Variants in OTUD7A observed in about 807,000 individuals in gnomAD.
OTUD7A encodes the protein OTU deubiquitinase 7A.
OTUD7A carries 12 observed loss-of-function variants against 65.7 expected under a neutral mutation model. The observed-to-expected ratio is 0.18, with a 90% confidence interval of 0.12 to 0.30. The LOEUF (loss-of-function observed/expected upper bound fraction) is 0.30. Ranked by LOEUF, OTUD7A falls within the 10% of genes least tolerant of loss-of-function variation. The pLI, the probability that OTUD7A is intolerant of heterozygous loss-of-function variation, is 1.00. For synonymous variants in OTUD7A, 641 were observed against 586.3 expected, an observed-to-expected ratio of 1.09 and a Z score of -1.35; for missense variants, 1,148 against 1,304.8, an observed-to-expected ratio of 0.88 and a Z score of 1.85.
At chr15:31,619,703 T>C (rs1001920943) in intron 3 of OTUD7A, among the ~76,000 whole-genome samples, 32 of 152,122 alleles carry the variant, frequency 2.1e-4, no homozygotes, top group Non-Finnish European at 3.5e-4. Flanking sequence ...TACAATCATG[T>C]CATCTGCAAA....
intron 1 of OTUD7A, among the ~76,000 whole-genome samples, chr15:31,852,982 GT>G (rs1897468906): frequency 6.6e-6 from 1 of 152,204 alleles, no homozygotes; most frequent in East Asian, 1.9e-4. Flanking sequence ...GTGGGGAAGA[GT>G]GGGGACAGAC....
rs963725270 is a variant in OTUD7A at position 31,501,615 on chromosome 15, T to C, written c.1171+75A>G. 2.5e-6 allele frequency: 4 copies of C among 1,583,488 alleles called. No individual in the cohort carries two copies. In the Admixed American group the frequency reaches 5.0e-5, roughly 20 times the overall value. On this transcript the variant is annotated intron_variant, in intron 10 of 12. Coordinates refer to ENST00000307050, the MANE Select transcript of OTUD7A (RefSeq NM_001382637.1). ...GGGGTCTCCACAATCCACCTCCCCG[T>C]GCAATGGGGTCCCTTCTGATGGCTC...
At chr15:31,543,390 C>A (rs1051008657) in intron 5 of OTUD7A, among the ~76,000 whole-genome samples, 1 of 151,786 alleles carries the variant, frequency 6.6e-6, no homozygotes, top group Non-Finnish European at 1.5e-5. Flanking sequence ...ATAAACACCA[C>A]ATTGAATGGG....
At chr15:31,677,483 G>A (rs1040422964) in intron 1 of OTUD7A, among the ~76,000 whole-genome samples, 1 of 152,114 alleles carries the variant, frequency 6.6e-6, no homozygotes, top group Non-Finnish European at 1.5e-5. Flanking sequence ...ATGTGTCAAG[G>A]GTGGGATCAG....
chr15:31,631,519 A>T (rs1290304889), intron 3 of OTUD7A, among the ~76,000 whole-genome samples: 1 of 152,152 alleles, frequency 6.6e-6, no homozygotes, highest in Non-Finnish European at 1.5e-5. Flanking sequence ...TCTGCGCTTA[A>T]CATTTTTTCC....
At chr15:31,494,130 C>A (rs903785824) in intron 10 of OTUD7A, among the ~76,000 whole-genome samples, 6 of 152,228 alleles carry the variant, frequency 3.9e-5, no homozygotes, top group African/African-American at 1.4e-4. Context: ...TTGGATTGGT[C>A]ATTGGTCTAT....
At chr15:31,738,025 T>C (rs561762543) in intron 1 of OTUD7A, among the ~76,000 whole-genome samples, 1 of 152,316 alleles carries the variant, frequency 6.6e-6, no homozygotes, top group East Asian at 1.9e-4. Context: ...TTATTAACAT[T>C]TTTTAGCTTC....
Position 31,483,726 on chromosome 15 carries a change from C to A in OTUD7A, c.2370G>T (p.Ala790=). 8.9e-7 allele frequency: 1 copy of A among 1,120,552 alleles called. No individual in the cohort carries two copies. Among genetic ancestry groups the A allele is most frequent in the Non-Finnish European group, 1.1e-6 (1 of 919,214 alleles). The allele number at this position is 1,120,552 out of a possible 1,614,324, so 69.4% of individuals were successfully genotyped here. The part of the protein sequence containing the change: ...HVQASGARDE[A]CAPAVGALRP... ...GCAGCGCCCCCACGGCCGGCGCGCA[C>A]GCCTCGTCCCGCGCGCCCGACGCCT... The change falls in exon 13 of 13, where the codon GCG becomes GCT. Residue 790 remains alanine (A), a synonymous_variant. Transcript: ENST00000307050.
chr15:31,720,613 G>T lies in OTUD7A; in HGVS notation c.-99-63536C>A, dbSNP rs375231536. 3.2e-4 allele frequency among the ~76,000 whole-genome samples: 49 copies of T among 152,150 alleles called. No individual in the cohort carries two copies. The South Asian group carries it at 9.3e-3, about 29-fold the overall frequency. ...GATGGGGTTTCACTGTGTTAGCCAG[G>T]ATGCTCTCAATCTCCTGACCTCCTG... On this transcript the variant is annotated intron_variant, in intron 1 of 12. Coordinates refer to ENST00000307050, the MANE Select transcript of OTUD7A (RefSeq NM_001382637.1).
chr15:31,822,374 C>T (rs1010957084), intron 1 of OTUD7A, among the ~76,000 whole-genome samples: 1 of 152,164 alleles, frequency 6.6e-6, no homozygotes, highest in African/African-American at 2.4e-5. Context: ...TCACGGACCC[C>T]GCACCCTAGC....
chr15:31,837,445 C>T (rs1897083160), intron 1 of OTUD7A, among the ~76,000 whole-genome samples: 1 of 151,100 alleles, frequency 6.6e-6, no homozygotes, highest in African/African-American at 2.4e-5. Flanking sequence ...ACTCAGGAGG[C>T]TGAGGCAGGA....
At chr15:31,708,251 G>T (rs1451213279) in intron 1 of OTUD7A, among the ~76,000 whole-genome samples, 1 of 152,110 alleles carries the variant, frequency 6.6e-6, no homozygotes, top group African/African-American at 2.4e-5. Context: ...AAGATGTGGG[G>T]AAACAGCACT....
chr15:31,623,639 C>T (rs531135504), intron 3 of OTUD7A, among the ~76,000 whole-genome samples: 1 of 152,184 alleles, frequency 6.6e-6, no homozygotes, highest in Non-Finnish European at 1.5e-5. Context: ...GTGGGAGTGA[C>T]CTGATTTTCC....
At chr15:31,515,108 TA>T (rs2041823100) in intron 8 of OTUD7A, among the ~76,000 whole-genome samples, 1 of 152,118 alleles carries the variant, frequency 6.6e-6, no homozygotes, top group Non-Finnish European at 1.5e-5. Context: ...AATATGGAGT[TA>T]AAACCTGCAT....
intron 1 of OTUD7A, among the ~76,000 whole-genome samples, chr15:31,794,616 C>T (rs1289839126): frequency 2.2e-5 from 3 of 138,248 alleles, no homozygotes; most frequent in South Asian, 5.2e-4. Context: ...TTCTAAAGGC[C>T]GGGAATAGAA....
chr15:31,734,741 T>C (rs1375135821), intron 1 of OTUD7A, among the ~76,000 whole-genome samples: 3 of 151,616 alleles, frequency 2.0e-5, no homozygotes, highest in East Asian at 1.9e-4. Flanking sequence ...TTCCACCATA[T>C]ACAAAAATCA....
At chr15:31,749,598 C>T (rs545112890) in intron 1 of OTUD7A, among the ~76,000 whole-genome samples, 6 of 152,262 alleles carry the variant, frequency 3.9e-5, no homozygotes, top group Non-Finnish European at 8.8e-5. Context: ...ATTCAAACAT[C>T]ACACTGAATG....
chr15:31,844,670 G>A (rs550876551), intron 1 of OTUD7A, among the ~76,000 whole-genome samples: 6 of 152,196 alleles, frequency 3.9e-5, no homozygotes, highest in Non-Finnish European at 7.4e-5. Context: ...AGCCAGTAAC[G>A]TGTCCCTCAA....
intron 3 of OTUD7A, among the ~76,000 whole-genome samples, chr15:31,651,391 G>T (rs967518687): frequency 6.6e-6 from 1 of 151,998 alleles, no homozygotes; most frequent in South Asian, 2.1e-4. Context: ...AATACTGCTT[G>T]TTCTCAGAGA....
Sources: gnomAD v4.1 joint callset for allele counts (sites outside exome capture counted in the v4.1 genomes callset) on GRCh38, gnomAD v4.1.1 for gene constraint, MANE v1.5 for transcripts, NCBI Gene and HGNC (gene_info 2026-07-23, HGNC 2026-07-21) for gene names.